CDC14A: variants seen among roughly 807,000 people sequenced by gnomAD.
The protein encoded by CDC14A is cell division cycle 14A, also known as dual specificity protein phosphatase CDC14A.
CDC14A carries 53 observed loss-of-function variants against 74.4 expected under a neutral mutation model. That is an observed-to-expected ratio of 0.71 (90% CI 0.57 to 0.89). The LOEUF is 0.89. Among genes scored for constraint, CDC14A ranks in the 40% least tolerant of loss-of-function variants. CDC14A has a pLI of 0.00. For missense variants in CDC14A, 646 were observed against 713.7 expected (o/e 0.91, Z 1.08); for synonymous variants, 247 against 258.4 (o/e 0.96, Z 0.43).
rs974948047 is a variant in CDC14A at position 100,508,238 on chromosome 1, C to T, written c.1755+8976C>T. Among the ~76,000 whole-genome samples the T allele has an allele frequency of 8.6e-5, 13 of 151,784 alleles. No individual in the cohort carries two copies. The highest frequency in any genetic ancestry group is 7.2e-4 in the Admixed American group (11 of 15,228). ...TGATAGCCATCTGTTATAATTTGGG[C>T]CCGCCTGTTTTTGTTTTATGGCTTC... On this transcript the variant is annotated intron_variant, in intron 15 of 15. Coordinates refer to ENST00000336454, the MANE Select transcript of CDC14A (RefSeq NM_003672.4). This position sits in a 1 kb window ranked among gnomAD's most constrained non-coding sequence, Gnocchi z 4.4.
intron 5 of CDC14A, among the ~76,000 whole-genome samples, chr1:100,427,809 A>G (rs1246563067): frequency 3.9e-5 from 6 of 152,198 alleles, no homozygotes; most frequent in Admixed American, 1.3e-4. Context: ...GTATACATGT[A>G]TAGGTGTGTA....
intron 7 of CDC14A, among the ~76,000 whole-genome samples, chr1:100,455,087 C>T (rs554175614): frequency 3.3e-5 from 5 of 152,198 alleles, no homozygotes; most frequent in African/African-American, 7.2e-5. Flanking sequence ...TCTTATTTAT[C>T]GCCAAGACAA....
At chr1:100,458,490 A>G (rs1465343347) in intron 8 of CDC14A, among the ~76,000 whole-genome samples, 1 of 152,202 alleles carries the variant, frequency 6.6e-6, no homozygotes, top group Non-Finnish European at 1.5e-5. Flanking sequence ...TATGATGCCT[A>G]GAACAATTTC....
At chr1:100,371,031 G>A (rs183830490) in intron 2 of CDC14A, among the ~76,000 whole-genome samples, 164 of 152,268 alleles carry the variant, frequency 1.1e-3, no homozygotes, top group Admixed American at 3.5e-3. Flanking sequence ...TTGGTTAGAT[G>A]TATTCCTAGG....
chr1:100,455,788 G>A (rs556760903), intron 8 of CDC14A, among the ~76,000 whole-genome samples: 1 of 152,290 alleles, frequency 6.6e-6, no homozygotes, highest in Non-Finnish European at 1.5e-5. Context: ...AAACTCATAA[G>A]CAGATTGCTG....
chr1:100,438,616 T>A (rs370608687), intron 5 of CDC14A, among the ~76,000 whole-genome samples: 1 of 152,186 alleles, frequency 6.6e-6, no homozygotes, highest in Non-Finnish European at 1.5e-5. Flanking sequence ...AAAACAAAGA[T>A]CCCTCCTTTT....
At chr1:100,382,279 A>G (rs1656243698) in intron 3 of CDC14A, among the ~76,000 whole-genome samples, 1 of 141,610 alleles carries the variant, frequency 7.1e-6, no homozygotes, top group East Asian at 2.0e-4. Context: ...GCCATGGTGC[A>G]GTCATAGCTC....
At chr1:100,420,518 A>G (rs1662235016) in intron 4 of CDC14A, among the ~76,000 whole-genome samples, 1 of 152,078 alleles carries the variant, frequency 6.6e-6, no homozygotes, top group South Asian at 2.1e-4. Flanking sequence ...TACAGACTTG[A>G]TATTTGTTAC....
intron 4 of CDC14A, among the ~76,000 whole-genome samples, chr1:100,406,711 G>T (rs1048861099): frequency 1.3e-5 from 2 of 151,980 alleles, no homozygotes; most frequent in African/African-American, 4.8e-5. Flanking sequence ...ATCACCTGAG[G>T]TTGGGAGTTT....
At chr1:100,515,487 G>T (rs895067810) in intron 15 of CDC14A, among the ~76,000 whole-genome samples, 2 of 151,354 alleles carry the variant, frequency 1.3e-5, no homozygotes, top group African/African-American at 4.9e-5. Flanking sequence ...GGGTTCAAGT[G>T]ATTCTCCTGC....
rs780042010 is a variant in CDC14A at position 100,498,192 on chromosome 1, G to A, written c.1406G>A (p.Gly469Asp). 11 of 1,614,000 alleles carry A rather than the reference G, an allele frequency of 6.8e-6. No individual in the cohort carries two copies. The highest frequency in any genetic ancestry group is 8.5e-6 in the Non-Finnish European group (10 of 1,179,942). Residue 469 changes from glycine (G) to aspartate (D), a missense_variant, in exon 14 of 16, where the codon GGT becomes GAT. Transcript: ENST00000336454. ...KRINRTSLSS[G>D]ATVRSFSINS... ...ATCAACAGAACTTCTTTGTCTTCGG[G>A]TGCCACTGTAAGAAGGTAATTTTTC... is the stretch of plus-strand genomic sequence containing the variant.
intron 4 of CDC14A, among the ~76,000 whole-genome samples, chr1:100,406,138 A>C (rs567320798): frequency 7.9e-5 from 12 of 151,984 alleles, no homozygotes; most frequent in African/African-American, 2.9e-4. Flanking sequence ...AGTGATGTTG[A>C]GCTTTTTTTC....
intron 4 of CDC14A, among the ~76,000 whole-genome samples, chr1:100,403,318 T>G (rs1659518892): frequency 6.6e-6 from 1 of 152,256 alleles, no homozygotes; most frequent in Non-Finnish European, 1.5e-5. Context: ...AAATATGTCT[T>G]TACCCATCAA....
chr1:100,429,505 C>T lies in CDC14A; in HGVS notation c.389+5204C>T, dbSNP rs78408934. On this transcript the variant is annotated intron_variant, in intron 5 of 15. Transcript: ENST00000336454. ...TCTCAAAGTTATGTTGATCCTCAAACTTATCTGCATACGTGGGGAGCTTTA... is the reference window on the plus strand; with the variant it reads ...TCTCAAAGTTATGTTGATCCTCAAATTTATCTGCATACGTGGGGAGCTTTA... Among the ~76,000 whole-genome samples, 304 of 150,980 alleles carry T rather than the reference C, an allele frequency of 2.0e-3. 7 individuals are homozygous for T. The East Asian group carries it at 0.047, about 23-fold the overall frequency.
upstream of CDC14A, chr1:100,351,637 C>G (rs1256474954): frequency 4.2e-6 from 4 of 953,956 alleles, no homozygotes; most frequent in Admixed American, 2.3e-5. Flanking sequence ...TCCGCGCCCG[C>G]CCAGGCTGGC....
intron 11 of CDC14A, among the ~76,000 whole-genome samples, chr1:100,494,531 A>C (rs949219249): frequency 3.3e-5 from 5 of 152,186 alleles, no homozygotes; most frequent in South Asian, 2.1e-4. Context: ...TTGTGTCTGC[A>C]GGAGAGTCTC....
chr1:100,381,975 G>T (rs1656171687), intron 3 of CDC14A, among the ~76,000 whole-genome samples: 1 of 152,040 alleles, frequency 6.6e-6, no homozygotes, highest in Admixed American at 6.6e-5. Flanking sequence ...TGATAGCCTT[G>T]AGCTGGAATT....
chr1:100,451,874 G>A (rs1666180787), intron 7 of CDC14A, among the ~76,000 whole-genome samples: 1 of 152,154 alleles, frequency 6.6e-6, no homozygotes, highest in Non-Finnish European at 1.5e-5. Flanking sequence ...TTTTGTTACT[G>A]TTATTTGTCA....
chr1:100,443,483 A>C (rs1665191479), intron 7 of CDC14A, among the ~76,000 whole-genome samples: 1 of 151,008 alleles, frequency 6.6e-6, no homozygotes, highest in Non-Finnish European at 1.5e-5. Flanking sequence ...TTACAGGTGC[A>C]TGCCACCATG....
Sources: gnomAD v4.1 joint callset for allele counts (sites outside exome capture counted in the v4.1 genomes callset) on GRCh38, gnomAD v4.1.1 for gene constraint, Gnocchi (gnomAD v3.1) non-coding constraint, MANE v1.5 for transcripts, NCBI Gene and HGNC (gene_info 2026-07-23, HGNC 2026-07-21) for gene names.